The following ERG variants were observed in gnomAD, a reference collection of about 807,000 sequenced individuals.
The protein encoded by ERG is ETS transcription factor ERG.
In ERG, 9 loss-of-function variants were observed where a neutral mutation model predicts 55.3. The ratio of observed to expected loss-of-function variants is 0.16; its 90% CI spans 0.10 to 0.28. The LOEUF is 0.28. Among genes scored for constraint, ERG ranks in the 10% least tolerant of loss-of-function variants. The pLI is 1.00. For synonymous variants in ERG, 223 were observed against 237.3 expected, an observed-to-expected ratio of 0.94 and a Z score of 0.55; for missense variants, 434 against 631.6, an observed-to-expected ratio of 0.69 and a Z score of 3.35.
chr21:38,371,292 ATGAT>A, the ERG span, among the ~76,000 whole-genome samples: 1 of 152,080 alleles, frequency 6.6e-6, no homozygotes, highest in Non-Finnish European at 1.5e-5. Flanking sequence ...AATTAACCTA[ATGAT>A]TAATTAGAAT....
At chr21:38,479,728 G>A (rs370544617) in intron 1 of ERG, among the ~76,000 whole-genome samples, 4 of 151,462 alleles carry the variant, frequency 2.6e-5, no homozygotes, top group African/African-American at 7.3e-5. Flanking sequence ...ATCCACAAAT[G>A]CAATACCTTT....
chr21:38,468,999 A>AAAAAAAAAAAAAAAAAAAAC (rs1569123311), intron 1 of ERG, among the ~76,000 whole-genome samples: 1 of 67,832 alleles, frequency 1.5e-5, no homozygotes, highest in East Asian at 2.3e-4. Flanking sequence ...AAAAAAAAAA[A>AAAAAAAAAAAAAAAAAAAAC]AAGAAAAAAA....
intron 9 of ERG, among the ~76,000 whole-genome samples, chr21:38,390,235 A>C (rs970929961): frequency 3.3e-5 from 5 of 152,264 alleles, no homozygotes; most frequent in Non-Finnish European, 5.9e-5. Flanking sequence ...CAAATGGGCT[A>C]ATTAAGAATC....
the ERG span, among the ~76,000 whole-genome samples, chr21:38,368,849 T>C: frequency 3.6e-3 from 541 of 152,310 alleles, 4 homozygotes; most frequent in Non-Finnish European, 5.0e-3. Flanking sequence ...CTCCCACTTA[T>C]AAGTGAGAAC....
At chr21:38,391,361 G>T (rs1269182639) in intron 8 of ERG, among the ~76,000 whole-genome samples, 4 of 152,164 alleles carry the variant, frequency 2.6e-5, no homozygotes. Context: ...GGGCCGTGCA[G>T]GCTGTGTTGT....
chr21:38,516,235 A>C (rs1002250512), intron 2 of ERG, among the ~76,000 whole-genome samples: 2 of 152,052 alleles, frequency 1.3e-5, no homozygotes, highest in Non-Finnish European at 2.9e-5. Flanking sequence ...AAAAACCTAC[A>C]GACTCCACCA....
chr21:38,369,078 G>A, the ERG span, among the ~76,000 whole-genome samples: 1 of 152,118 alleles, frequency 6.6e-6, no homozygotes, highest in East Asian at 1.9e-4. Context: ...AGAGAACACT[G>A]AGGTGAACAT....
intron 2 of ERG, among the ~76,000 whole-genome samples, chr21:38,556,558 A>C (rs997357695): frequency 6.6e-6 from 1 of 152,152 alleles, no homozygotes; most frequent in Non-Finnish European, 1.5e-5. Flanking sequence ...CTTGGTACCC[A>C]GACAGACTAT....
intron 2 of ERG, among the ~76,000 whole-genome samples, chr21:38,436,022 T>TC (rs1002292124): frequency 1.4e-5 from 2 of 145,402 alleles, no homozygotes; most frequent in African/African-American, 5.2e-5. Flanking sequence ...CTTTTTTTCT[T>TC]TTTTTTTTTT....
intron 1 of ERG, among the ~76,000 whole-genome samples, chr21:38,593,362 G>A (rs886478896): frequency 6.6e-6 from 1 of 152,174 alleles, no homozygotes; most frequent in Admixed American, 6.5e-5. Flanking sequence ...TTTTCCTTAA[G>A]CTCAACTGGA....
intron 1 of ERG, among the ~76,000 whole-genome samples, chr21:38,656,220 T>G (rs2060518102): frequency 6.6e-6 from 1 of 152,058 alleles, no homozygotes; most frequent in African/African-American, 2.4e-5. Flanking sequence ...ACAGGACCCA[T>G]GAAAGGACAC....
At chr21:38,653,614 A>G (rs1480816545) in intron 1 of ERG, among the ~76,000 whole-genome samples, 1 of 152,230 alleles carries the variant, frequency 6.6e-6, no homozygotes, top group Non-Finnish European at 1.5e-5. Flanking sequence ...AACACAACTC[A>G]TGGAAGAGAG....
Position 38,388,223 on chromosome 21 carries a change from T to C in ERG, c.919+2772A>G, listed in dbSNP as rs137985197. Among the ~76,000 whole-genome samples the C allele has an allele frequency of 3.8e-3, 575 of 152,336 alleles. 3 individuals carry two copies. Among genetic ancestry groups the C allele is most frequent in the African/African-American group, 0.013 (555 of 41,576 alleles). ...AAGCTCTTTCATTAGAGGAACCATG[T>C]TAGATAGATTCTCAGCTGCTCTGAT... On this transcript the variant is annotated intron_variant, in intron 9 of 9. Coordinates refer to ENST00000288319, the MANE Select transcript of ERG (RefSeq NM_182918.4).
At chr21:38,511,002 C>T (rs1396713225) in intron 2 of ERG, among the ~76,000 whole-genome samples, 1 of 152,146 alleles carries the variant, frequency 6.6e-6, no homozygotes, top group Admixed American at 6.5e-5. Context: ...TGACCTTTTC[C>T]CAACATTCAG....
At chr21:38,473,760 G>A (rs2059161463) in intron 1 of ERG, among the ~76,000 whole-genome samples, 2 of 151,380 alleles carry the variant, frequency 1.3e-5, no homozygotes, top group African/African-American at 4.8e-5. Flanking sequence ...TATAAAGTGT[G>A]TGATTTTGGA....
intron 3 of ERG, among the ~76,000 whole-genome samples, chr21:38,414,037 A>C (rs1236469944): frequency 1.3e-5 from 2 of 152,196 alleles, no homozygotes; most frequent in Non-Finnish European, 1.5e-5. Flanking sequence ...ATCGTCTCAT[A>C]GTTCTGGAGG....
At chr21:38,428,243 A>G (rs1188689658) in intron 2 of ERG, among the ~76,000 whole-genome samples, 3 of 152,164 alleles carry the variant, frequency 2.0e-5, no homozygotes, top group Non-Finnish European at 4.4e-5. Flanking sequence ...GAGAACTGAA[A>G]AGTGTTCATT....
intron 1 of ERG, chr21:38,661,587 G>T (rs1015789303): frequency 6.6e-6 from 1 of 152,256 alleles, no homozygotes; most frequent in Non-Finnish European, 1.5e-5. Context: ...GTCCGCCTCC[G>T]GGGCTCGGGG....
rs570133233 is a variant in ERG at position 38,398,935 on chromosome 21, T to A, written c.745+1639A>T. Among the ~76,000 whole-genome samples the A allele has an allele frequency of 1.2e-4, 19 of 152,320 alleles. 1 individual carries two copies. The highest frequency in any genetic ancestry group is 3.4e-3 in the Middle Eastern group (1 of 294). On this transcript the variant is annotated intron_variant, in intron 6 of 9. Transcript: ENST00000288319. Reference sequence around the variant, plus strand: ...AATACAAAATTAAAAAGTAAAAAAATTTTTAAAACCCTAGCCAAATGTTTT... The same window carrying A: ...AATACAAAATTAAAAAGTAAAAAAAATTTTAAAACCCTAGCCAAATGTTTT...
Sources: allele counts gnomAD v4.1 joint callset (sites outside exome capture counted in the v4.1 genomes callset), GRCh38; gene constraint gnomAD v4.1.1; transcripts MANE v1.5; gene names NCBI Gene and HGNC (gene_info 2026-07-23, HGNC 2026-07-21).